The following SLC27A2 variants were observed in gnomAD, a reference collection of about 807,000 sequenced individuals.
SLC27A2 encodes the protein long-chain fatty acid transport protein 2.
SLC27A2 carries 54 observed loss-of-function variants against 60.0 expected under a neutral mutation model. That is an observed-to-expected ratio of 0.90 (90% CI 0.72 to 1.13). The LOEUF (loss-of-function observed/expected upper bound fraction) is 1.13. Among genes scored for constraint, SLC27A2 ranks in the 50% most tolerant of loss-of-function variants. The pLI is 0.00. For missense variants in SLC27A2, 739 were observed against 777.6 expected (o/e 0.95, Z 0.59); for synonymous variants, 297 against 297.6 (o/e 1.00, Z 0.02).
intron 4 of SLC27A2, among the ~76,000 whole-genome samples, chr15:50,210,828 T>G (rs2045148964): frequency 6.6e-6 from 1 of 152,146 alleles, no homozygotes; most frequent in East Asian, 1.9e-4. Flanking sequence ...CCCTTCAGGT[T>G]GCCTGGAAGC....
chr15:50,200,734 A>T (rs553479578), intron 2 of SLC27A2, among the ~76,000 whole-genome samples: 12 of 152,106 alleles, frequency 7.9e-5, no homozygotes, highest in Non-Finnish European at 1.5e-4. Context: ...CAACATAAGC[A>T]TACACTTACA....
At chr15:50,202,886 A>G (rs1188871213) in intron 3 of SLC27A2, among the ~76,000 whole-genome samples, 2 of 152,110 alleles carry the variant, frequency 1.3e-5, no homozygotes, top group East Asian at 3.8e-4. Context: ...AAACTCCTTT[A>G]AAATATTTTA....
chr15:50,206,502 T>C (rs1311976598), intron 4 of SLC27A2, among the ~76,000 whole-genome samples: 1 of 152,136 alleles, frequency 6.6e-6, no homozygotes, highest in Non-Finnish European at 1.5e-5. Context: ...CCCCCAGGTC[T>C]CTCTCACCTC....
intron 1 of SLC27A2, among the ~76,000 whole-genome samples, chr15:50,188,149 G>A (rs190438736): frequency 2.0e-3 from 308 of 152,190 alleles, no homozygotes; most frequent in Admixed American, 3.1e-3. Flanking sequence ...TGCTGGGAGG[G>A]CTACAAGTGC....
chr15:50,219,876 T>G (rs2045230946), intron 4 of SLC27A2, among the ~76,000 whole-genome samples: 2 of 152,024 alleles, frequency 1.3e-5, no homozygotes, highest in Non-Finnish European at 2.9e-5. Context: ...ACGAAGAAGG[T>G]TTTTTTCTTG....
intron 4 of SLC27A2, among the ~76,000 whole-genome samples, chr15:50,217,525 T>C (rs1050271706): frequency 6.6e-5 from 10 of 151,808 alleles, no homozygotes; most frequent in African/African-American, 1.5e-4. Flanking sequence ...ATTGAAGGAG[T>C]GTAATTCTTA....
intron 2 of SLC27A2, among the ~76,000 whole-genome samples, chr15:50,200,856 C>T (rs1418721729): frequency 6.6e-6 from 1 of 152,184 alleles, no homozygotes; most frequent in African/African-American, 2.4e-5. Context: ...TTCAGACTGG[C>T]AAAGGCCCCA....
intron 6 of SLC27A2, 46 bp from the exon 7 acceptor site, chr15:50,226,934 A>G: frequency 1.3e-6 from 2 of 1,523,238 alleles, no homozygotes; most frequent in South Asian, 2.4e-5. Context: ...TGATGTATAA[A>G]TTTGACCTCT....
chr15:50,188,816 C>T (rs1340535874), intron 1 of SLC27A2, among the ~76,000 whole-genome samples: 5 of 152,058 alleles, frequency 3.3e-5, no homozygotes, highest in East Asian at 1.9e-4. Context: ...AAAAATTAGT[C>T]GGGCATGGTG....
chr15:50,202,549 G>T lies in SLC27A2; in HGVS notation c.751G>T (p.Val251Leu). 6.2e-7 allele frequency: 1 copy of T among 1,614,176 alleles called. No homozygotes were observed. Among genetic ancestry groups the T allele is most frequent in the Non-Finnish European group, 8.5e-7 (1 of 1,180,010 alleles). The part of the protein sequence containing the change: ...RIWYGTGLTF[V>L]SGLKADDVIY... ...ATGGTATGGAACTGGCCTCACTTTTGTAAGCGGATTGAAGGCAGATGATGT... is the reference window on the plus strand; with the variant it reads ...ATGGTATGGAACTGGCCTCACTTTTTTAAGCGGATTGAAGGCAGATGATGT... Residue 251 changes from valine to leucine, a missense_variant, in exon 3 of 10, where the codon GTA (valine) becomes TTA (leucine). Transcript: ENST00000267842.
At position 50,223,295 on chromosome 15, in the gene SLC27A2, T is replaced by A; in HGVS notation, c.1167+136T>A. 5.2e-6 allele frequency: 3 copies of A among 577,076 alleles called. No individual in the cohort carries two copies. The South Asian group carries it at 8.3e-5, about 16-fold the overall frequency. The allele number at this position is 577,076 out of a possible 1,614,324, so 35.7% of individuals were successfully genotyped here. A position where few individuals can be genotyped will look rare whatever the true frequency, so the allele number is the denominator to read the frequency against. ...GGCCCATTCCTATCACCAAGAGAAG[T>A]TTTGCTCATTCTCTGTGATGATGAC... is the stretch of plus-strand genomic sequence containing the variant. On this transcript the variant is annotated intron_variant, in intron 5 of 9. Transcript: ENST00000267842.
At chr15:50,212,168 A>G (rs541920892) in intron 4 of SLC27A2, among the ~76,000 whole-genome samples, 69 of 152,120 alleles carry the variant, frequency 4.5e-4, no homozygotes, top group East Asian at 2.1e-3. Context: ...GGAAAGTCTC[A>G]GCAATAGAAT....
chr15:50,187,419 A>G (rs1567425685), intron 1 of SLC27A2, among the ~76,000 whole-genome samples: 1 of 152,204 alleles, frequency 6.6e-6, no homozygotes, highest in Non-Finnish European at 1.5e-5. Flanking sequence ...ACAATATGGG[A>G]TATTTTATAA....
At chr15:50,203,611 T>TAAAAATATATACACATATGTATATAC (rs1567430725) in intron 3 of SLC27A2, among the ~76,000 whole-genome samples, 8 of 152,154 alleles carry the variant, frequency 5.3e-5, no homozygotes, top group African/African-American at 1.7e-4. Flanking sequence ...TATGTATATA[T>TAAAAATATATACACATATGTATATAC]AAAAATATAT....
chr15:50,226,530 G>A (rs906203829), intron 6 of SLC27A2, among the ~76,000 whole-genome samples: 6 of 152,174 alleles, frequency 3.9e-5, no homozygotes, highest in Non-Finnish European at 7.4e-5. Flanking sequence ...TAAGGAGTTC[G>A]AGACCAGCCT....
At chr15:50,206,323 C>T (rs1307156304) in intron 4 of SLC27A2, among the ~76,000 whole-genome samples, 1 of 152,160 alleles carries the variant, frequency 6.6e-6, no homozygotes, top group Non-Finnish European at 1.5e-5. Flanking sequence ...CTAGACAATG[C>T]AGTAAACTCA....
intron 5 of SLC27A2, among the ~76,000 whole-genome samples, chr15:50,224,463 C>T (rs914143350): frequency 2.0e-5 from 3 of 152,240 alleles, no homozygotes; most frequent in Admixed American, 2.0e-4. Flanking sequence ...GATTAAATAA[C>T]TTATGAAAAG....
intron 1 of SLC27A2, among the ~76,000 whole-genome samples, chr15:50,184,942 G>A (rs1365506): frequency 0.13 from 20,288 of 152,204 alleles, 1,520 homozygotes; most frequent in African/African-American, 0.2. Flanking sequence ...TGAGAAAAGC[G>A]ATAACTTCAC....
intron 3 of SLC27A2, among the ~76,000 whole-genome samples, chr15:50,204,420 G>A (rs2045091540): frequency 6.6e-6 from 1 of 151,936 alleles, no homozygotes; most frequent in Admixed American, 6.6e-5. Flanking sequence ...TTTCACCACT[G>A]AACTCCAGCC....
Sources: allele counts gnomAD v4.1 joint callset (sites outside exome capture counted in the v4.1 genomes callset), GRCh38; gene constraint gnomAD v4.1.1; transcripts MANE v1.5; gene names NCBI Gene and HGNC (gene_info 2026-07-23, HGNC 2026-07-21).